PRRC1: variants seen among roughly 807,000 people sequenced by gnomAD.
PRRC1 encodes proline rich coiled-coil 1.
In PRRC1, 39 loss-of-function variants were observed where a neutral mutation model predicts 40.7. The ratio of observed to expected loss-of-function variants is 0.96; its 90% confidence interval spans 0.74 to 1.25. PRRC1 has a LOEUF of 1.25. Ranked by LOEUF, PRRC1 falls within the 50% of genes most tolerant of loss-of-function variation. The pLI is 0.00. For synonymous variants in PRRC1, 175 were observed against 193.3 expected, an observed-to-expected ratio of 0.91 and a Z score of 0.79; for missense variants, 573 against 548.3, an observed-to-expected ratio of 1.05 and a Z score of -0.45.
In PRRC1 at chr5:127,539,034, G is replaced by GT; in HGVS notation, c.922-3dup. 6.2e-7 allele frequency: 1 copy of GT among 1,610,748 alleles called. No homozygotes were observed. The highest frequency in any genetic ancestry group is 8.5e-7 in the Non-Finnish European group (1 of 1,177,304). On this transcript the variant is annotated splice_polypyrimidine_tract_variant and splice_region_variant and intron_variant, in intron 6 of 8. Transcript: ENST00000296666. ...ATGGTCTCTAACCTCTGCCATTGTT[G>GT]TTTAGGGTGCTCAGGAACGGATAGA...
intron 6 of PRRC1, 50 bp downstream of exon 6, chr5:127,533,836 T>G: frequency 6.3e-7 from 1 of 1,581,832 alleles, no homozygotes; most frequent in Non-Finnish European, 8.7e-7. Context: ...CATTTAATTT[T>G]TTCACAATTC....
At chr5:127,520,777 C>T (rs1403316280) in intron 1 of PRRC1, among the ~76,000 whole-genome samples, 2 of 151,970 alleles carry the variant, frequency 1.3e-5, no homozygotes, top group Admixed American at 1.3e-4. Context: ...TAGAACTATG[C>T]ACATACACAC....
At position 127,539,156 on chromosome 5, in the gene PRRC1, T is replaced by C. The variant is rs763221010; in HGVS notation, c.1025+13T>C. ...TGCTGCCTGACAAGTAAGTGTATTA[T>C]GTTTCTCTTGGAAGCAAAATATAAT... On this transcript the variant is annotated intron_variant, in intron 7 of 8. Coordinates refer to ENST00000296666, the MANE Select transcript of PRRC1 (RefSeq NM_130809.5). 3 of 1,600,224 alleles carry C rather than the reference T, an allele frequency of 1.9e-6. No homozygotes were observed. Among genetic ancestry groups the C allele is most frequent in the South Asian group, 2.2e-5 (2 of 90,714 alleles).
chr5:127,523,428 G>A (rs1161767974), intron 1 of PRRC1, 32 bp from the exon 2 acceptor site: 1 of 1,100,686 alleles, frequency 9.1e-7, no homozygotes, highest in South Asian at 1.5e-5. Context: ...TGGTTACTGT[G>A]TAATATTTGT....
intron 7 of PRRC1, among the ~76,000 whole-genome samples, chr5:127,545,770 AAAGTAT>A (rs1768200724): frequency 6.6e-6 from 1 of 151,272 alleles, no homozygotes; most frequent in Non-Finnish European, 1.5e-5. Context: ...CCTAAAACTT[AAAGTAT>A]AATTTAAAAA....
intron 7 of PRRC1, among the ~76,000 whole-genome samples, chr5:127,540,328 A>G (rs570941824): frequency 1.3e-5 from 2 of 152,260 alleles, no homozygotes; most frequent in African/African-American, 4.8e-5. Flanking sequence ...TGATAATACT[A>G]GTACTACTTT....
chr5:127,531,819 T>C (rs1439363075), intron 5 of PRRC1, among the ~76,000 whole-genome samples: 2 of 151,796 alleles, frequency 1.3e-5, no homozygotes, highest in Non-Finnish European at 2.9e-5. Flanking sequence ...TTCTCCATGT[T>C]GGCCAGGCTG....
rs1196825256 is a variant in PRRC1 at position 127,553,031 on chromosome 5, TTAAA to T, written c.*1121_*1124del. The T allele has an allele frequency of 1.7e-4, 124 of 727,992 alleles. No individual in the cohort carries two copies. The Middle Eastern group carries it at 2.2e-3, about 13-fold the overall frequency. The allele number at this position is 727,992 out of a possible 1,614,324, so 45.1% of individuals were successfully genotyped here. A position where few individuals can be genotyped will look rare whatever the true frequency, so the allele number is the denominator to read the frequency against. ...ATTTTTGGACTTATATAAATGATAA[TTAAA>T]TAAATTTTTTTCTTAATACTGTTGG... On this transcript the variant is annotated 3_prime_UTR_variant, in exon 9 of 9. Transcript: ENST00000296666.
chr5:127,523,372 ATTT>A, intron 1 of PRRC1, 85 bp from the exon 2 acceptor site: 1 of 528,636 alleles, frequency 1.9e-6, no homozygotes, highest in Non-Finnish European at 3.2e-6. Flanking sequence ...TCTCTTGATG[ATTT>A]TTTTTTTAGT....
Position 127,524,822 on chromosome 5 carries a change from G to C in PRRC1, c.395G>C (p.Gly132Ala). 1 of 1,614,102 alleles carries C rather than the reference G, an allele frequency of 6.2e-7. No individual in the cohort carries two copies. The highest frequency in any genetic ancestry group is 1.7e-5 in the Admixed American group (1 of 60,004). Residue 132 changes from glycine to alanine, a missense_variant, in exon 3 of 9, where the codon GGA (glycine) becomes GCA (alanine). Coordinates refer to ENST00000296666, the MANE Select transcript of PRRC1 (RefSeq NM_130809.5). ...PAPPSGPPIS[G>A]FSVGSTYDIT... ...CCCCCTTCGGGTCCTCCTATATCAG[G>C]ATTTTCTGTTGGTTCAACTTATGAC...
chr5:127,519,598 CCTTT>C (rs5871255), intron 1 of PRRC1, among the ~76,000 whole-genome samples: 48,151 of 151,844 alleles, frequency 0.32, 7,841 homozygotes, highest in East Asian at 0.54. Flanking sequence ...TGGTTTTCTT[CCTTT>C]CTTTTAGCTC....
intron 4 of PRRC1, among the ~76,000 whole-genome samples, chr5:127,529,910 C>G (rs1276603833): frequency 6.6e-6 from 1 of 151,996 alleles, no homozygotes; most frequent in East Asian, 1.9e-4. Context: ...CTTACGTAGA[C>G]ACCTGATTGG....
In PRRC1 at chr5:127,524,519, A is replaced by C; in HGVS notation, c.104-12A>C. The C allele has an allele frequency of 2.5e-6, 4 of 1,586,616 alleles. No homozygotes were observed. The African/African-American group carries it at 5.4e-5, about 22-fold the overall frequency. ...CTAATTCTGTGCTTTTATCCTCTCCACTTTTTTCTAGCGGCAACCAGTTCT... is the reference window on the plus strand; with the variant it reads ...CTAATTCTGTGCTTTTATCCTCTCCCCTTTTTTCTAGCGGCAACCAGTTCT... On this transcript the variant is annotated splice_polypyrimidine_tract_variant and intron_variant, in intron 2 of 8. Transcript: ENST00000296666.
At chr5:127,547,998 G>GT (rs759379676) in intron 8 of PRRC1, 77 bp downstream of exon 8, 23 of 966,690 alleles carry the variant, frequency 2.4e-5, no homozygotes, top group Non-Finnish European at 3.5e-5. Flanking sequence ...AATTTGTTCG[G>GT]TTTTTTTGTT....
At chr5:127,550,355 A>G (rs771105494) in intron 8 of PRRC1, 1 of 151,982 alleles carries the variant, frequency 6.6e-6, no homozygotes. Context: ...ATGCTTTTTT[A>G]TTGTTGGAAT....
intron 8 of PRRC1, chr5:127,550,976 TTAAAAAA>T (rs1768363138): frequency 6.6e-6 from 1 of 152,144 alleles, no homozygotes; most frequent in South Asian, 2.1e-4. Flanking sequence ...CTGGATATCG[TTAAAAAA>T]GAAAAAAGAA....
chr5:127,546,817 A>G (rs1363226862), intron 7 of PRRC1, among the ~76,000 whole-genome samples: 2 of 152,192 alleles, frequency 1.3e-5, no homozygotes, highest in East Asian at 1.9e-4. Flanking sequence ...TCACAAATAC[A>G]TTATCTTGAT....
chr5:127,519,538 T>C (rs1263566065), intron 1 of PRRC1, among the ~76,000 whole-genome samples: 1 of 152,258 alleles, frequency 6.6e-6, no homozygotes, highest in Non-Finnish European at 1.5e-5. Context: ...GCATTAATAC[T>C]GTTGCCCATT....
intron 1 of PRRC1, among the ~76,000 whole-genome samples, chr5:127,523,014 A>G (rs772381868): frequency 1.3e-5 from 2 of 151,888 alleles, no homozygotes; most frequent in Non-Finnish European, 2.9e-5. Context: ...AGATCTTGCT[A>G]TGTTGCCCAG....
Sources: gnomAD v4.1 joint callset for allele counts (sites outside exome capture counted in the v4.1 genomes callset) on GRCh38, gnomAD v4.1.1 for gene constraint, MANE v1.5 for transcripts, NCBI Gene and HGNC (gene_info 2026-07-23, HGNC 2026-07-21) for gene names.